Variants in SHROOM3 observed in about 807,000 individuals in gnomAD.
The protein encoded by SHROOM3 is protein Shroom3.
SHROOM3 carries 47 observed loss-of-function variants against 138.6 expected under a neutral mutation model. The observed-to-expected ratio is 0.34, with a 90% CI of 0.27 to 0.43. The LOEUF (loss-of-function observed/expected upper bound fraction) is 0.43. SHROOM3 is among the 20% of genes least tolerant of loss of function. The pLI, the probability that SHROOM3 is intolerant of heterozygous loss-of-function variation, is 1.00. For synonymous variants in SHROOM3, 1,062 were observed against 1,063.3 expected, an observed-to-expected ratio of 1.00 and a Z score of 0.02; for missense variants, 2,491 against 2,596.5, an observed-to-expected ratio of 0.96 and a Z score of 0.88.
intron 2 of SHROOM3, among the ~76,000 whole-genome samples, chr4:76,659,154 A>G (rs1048038430): frequency 9.2e-5 from 14 of 151,998 alleles, no homozygotes; most frequent in African/African-American, 2.4e-4. Flanking sequence ...TCTCATTGGA[A>G]CCCTCATTGT....
chr4:76,585,377 C>A (rs1734131205), intron 2 of SHROOM3, among the ~76,000 whole-genome samples: 1 of 152,238 alleles, frequency 6.6e-6, no homozygotes, highest in Non-Finnish European at 1.5e-5. Context: ...CTCAGACACT[C>A]TTGGAGTCCC....
intron 2 of SHROOM3, among the ~76,000 whole-genome samples, chr4:76,595,696 G>A (rs547517396): frequency 4.5e-4 from 69 of 152,252 alleles, no homozygotes; most frequent in African/African-American, 1.5e-3. Flanking sequence ...GTATAGACCA[G>A]GCATGGTTAA....
chr4:76,701,081 G>A (rs1719890869), intron 2 of SHROOM3, among the ~76,000 whole-genome samples: 1 of 152,170 alleles, frequency 6.6e-6, no homozygotes, highest in African/African-American at 2.4e-5. Context: ...CACTGCACCT[G>A]GCCTTGAAAT....
chr4:76,739,363 A>C lies in SHROOM3; in HGVS notation c.1190A>C (p.His397Pro), dbSNP rs753783570. The C allele has an allele frequency of 9.3e-6, 15 of 1,614,074 alleles. No individual in the cohort carries two copies. In the Middle Eastern group the frequency reaches 2.1e-3, roughly 231 times the overall value. Residue 397 changes from histidine (H) to proline (P), a missense_variant, in exon 5 of 11, where the codon CAC becomes CCC. Transcript: ENST00000296043. ...ARSDSYAAFR[H>P]RERPSSWSSL... ...AGTGACAGTTACGCAGCATTTCGGC[A>C]CCGTGAGCGGCCCAGCTCCTGGTCT...
chr4:76,635,055 CG>C (rs993333750), intron 2 of SHROOM3, among the ~76,000 whole-genome samples: 22 of 152,142 alleles, frequency 1.4e-4, no homozygotes, highest in Middle Eastern at 3.4e-3. Context: ...CAGAAGAGAA[CG>C]GGGGGAGATG....
chr4:76,770,187 G>A (rs1722302711), intron 9 of SHROOM3, among the ~76,000 whole-genome samples: 1 of 151,886 alleles, frequency 6.6e-6, no homozygotes, highest in African/African-American at 2.4e-5. Flanking sequence ...GCCAGGCGTG[G>A]TGGTGGGCAC....
At chr4:76,445,061 C>T (rs1163145002) in intron 1 of SHROOM3, among the ~76,000 whole-genome samples, 1 of 149,178 alleles carries the variant, frequency 6.7e-6, no homozygotes, top group East Asian at 2.0e-4. Context: ...TGTGCTACTG[C>T]ACTGTAGCCA....
chr4:76,753,031 A>AG (rs536148669), intron 6 of SHROOM3, among the ~76,000 whole-genome samples: 17 of 152,250 alleles, frequency 1.1e-4, no homozygotes, highest in African/African-American at 3.6e-4. Flanking sequence ...ACATTTGCTG[A>AG]GGGGGTACTT....
chr4:76,647,136 C>T lies in SHROOM3; in HGVS notation c.324-63020C>T, dbSNP rs965688040. On this transcript the variant is annotated intron_variant, in intron 2 of 10. Transcript: ENST00000296043. Reference sequence around the variant, plus strand: ...CATGGGTGGAACTAGAGGTTCTTAACGTTAAGTGAAATAAGCCAGGTAGAG... The same window carrying T: ...CATGGGTGGAACTAGAGGTTCTTAATGTTAAGTGAAATAAGCCAGGTAGAG... Among the ~76,000 whole-genome samples the T allele has an allele frequency of 9.2e-5, 14 of 152,170 alleles. No homozygotes were observed. The East Asian group carries it at 1.7e-3, about 19-fold the overall frequency.
At chr4:76,769,905 A>G (rs1722292340) in intron 9 of SHROOM3, among the ~76,000 whole-genome samples, 1 of 152,218 alleles carries the variant, frequency 6.6e-6, no homozygotes, top group South Asian at 2.1e-4. Flanking sequence ...CCTTGGGCCA[A>G]TCCCTTAATT....
At chr4:76,501,223 A>T (rs1732084907) in intron 1 of SHROOM3, among the ~76,000 whole-genome samples, 1 of 152,108 alleles carries the variant, frequency 6.6e-6, no homozygotes, top group Non-Finnish European at 1.5e-5. Flanking sequence ...AAATATCTTC[A>T]CTCTGAGGCT....
At chr4:76,580,806 G>A (rs1283593481) in intron 2 of SHROOM3, among the ~76,000 whole-genome samples, 4 of 152,136 alleles carry the variant, frequency 2.6e-5, no homozygotes, top group Admixed American at 2.0e-4. Flanking sequence ...CCTCCCTAGT[G>A]GAGTGGTTGA....
chr4:76,552,027 A>G (rs1733370029), intron 1 of SHROOM3, among the ~76,000 whole-genome samples: 1 of 70,028 alleles, frequency 1.4e-5, no homozygotes, highest in South Asian at 4.2e-4. Context: ...ACGCCCGGCT[A>G]ATTTTTTGTA....
intron 1 of SHROOM3, among the ~76,000 whole-genome samples, chr4:76,448,729 T>C (rs1203873082): frequency 6.6e-6 from 1 of 152,192 alleles, no homozygotes; most frequent in African/African-American, 2.4e-5. Context: ...TTTGAAGTCT[T>C]GTCTCAGGGT....
intron 1 of SHROOM3, among the ~76,000 whole-genome samples, chr4:76,550,707 G>A (rs952038929): frequency 1.3e-5 from 2 of 152,034 alleles, no homozygotes; most frequent in African/African-American, 2.4e-5. Flanking sequence ...TTTCAAAAAC[G>A]TCATCCCATG....
chr4:76,605,950 C>T lies in SHROOM3; in HGVS notation c.323+50187C>T, dbSNP rs543686360. Among the ~76,000 whole-genome samples, 9 of 136,506 alleles carry T rather than the reference C, an allele frequency of 6.6e-5. No individual in the cohort carries two copies. In the South Asian group the frequency reaches 1.9e-3, roughly 28 times the overall value. 89.6% of individuals were successfully genotyped at this position (136,506 alleles called of 152,430 possible). ...CTCTCTCTCTATATATATATATACA[C>T]ATATATATATACATATATATACACA... On this transcript the variant is annotated intron_variant, in intron 2 of 10. Coordinates refer to ENST00000296043, the MANE Select transcript of SHROOM3 (RefSeq NM_020859.4).
chr4:76,649,379 C>T (rs575778729), intron 2 of SHROOM3, among the ~76,000 whole-genome samples: 1 of 152,194 alleles, frequency 6.6e-6, no homozygotes, highest in South Asian at 2.1e-4. Flanking sequence ...TAAAAAGATC[C>T]CCCAAATCAA....
intron 3 of SHROOM3, among the ~76,000 whole-genome samples, chr4:76,719,463 T>C (rs1050020261): frequency 6.6e-6 from 1 of 152,278 alleles, no homozygotes; most frequent in African/African-American, 2.4e-5. Context: ...TATGCTGTGC[T>C]GTTCTTTTGT....
intron 1 of SHROOM3, among the ~76,000 whole-genome samples, chr4:76,448,216 G>C (rs2109968050): frequency 6.6e-6 from 1 of 152,278 alleles, no homozygotes; most frequent in South Asian, 2.1e-4. Context: ...AAGATTTAAA[G>C]CTAACTCATT....
Sources: gnomAD v4.1 joint callset for allele counts (sites outside exome capture counted in the v4.1 genomes callset) on GRCh38, gnomAD v4.1.1 for gene constraint, MANE v1.5 for transcripts, NCBI Gene and HGNC (gene_info 2026-07-23, HGNC 2026-07-21) for gene names.